LGI2: variants seen among roughly 807,000 people sequenced by gnomAD.
The protein encoded by LGI2 is leucine rich repeat LGI family member 2, also known as leucine-rich repeat LGI family member 2.
In LGI2, 30 loss-of-function variants were observed where a neutral mutation model predicts 52.0. The observed-to-expected ratio is 0.58, with a 90% CI of 0.43 to 0.78. The LOEUF is 0.78. Ranked by LOEUF, LGI2 falls within the 30% of genes least tolerant of loss-of-function variation. LGI2 has a pLI of 0.00. For missense variants in LGI2, 573 were observed against 692.5 expected (o/e 0.83, Z 1.94); for synonymous variants, 270 against 271.8 (o/e 0.99, Z 0.06).
At chr4:25,026,463 T>C (rs551027066) in intron 3 of LGI2, among the ~76,000 whole-genome samples, 1 of 152,020 alleles carries the variant, frequency 6.6e-6, no homozygotes, top group African/African-American at 2.4e-5. Flanking sequence ...CAACATGAAG[T>C]TGTACCCCCC....
At position 25,028,582 on chromosome 4, in the gene LGI2, C is replaced by T. The variant is rs116389282; in HGVS notation, c.198-4G>A. 0.012 allele frequency: 19,394 copies of T among 1,610,884 alleles called. 161 individuals are homozygous for T. Among genetic ancestry groups the T allele is most frequent in the Middle Eastern group, 0.028 (171 of 6,042 alleles). On this transcript the variant is annotated splice_polypyrimidine_tract_variant and splice_region_variant and intron_variant, in intron 1 of 7. Coordinates refer to ENST00000382114, the MANE Select transcript of LGI2 (RefSeq NM_018176.4). ...AAACGTCCCATTTACCAGGCTCCTACGGGCAAAAGATGAACAAAAGTAGGC... is the reference window on the plus strand; with the variant it reads ...AAACGTCCCATTTACCAGGCTCCTATGGGCAAAAGATGAACAAAAGTAGGC...
chr4:24,995,947 A>G (rs1725062982), downstream of LGI2, among the ~76,000 whole-genome samples: 2 of 152,332 alleles, frequency 1.3e-5, no homozygotes, highest in South Asian at 4.1e-4. Flanking sequence ...AGAGCTGGCC[A>G]GTGGATGAAA....
At chr4:25,028,696 C>T in intron 1 of LGI2, 118 bp from the exon 2 acceptor site, 3 of 798,866 alleles carry the variant, frequency 3.8e-6, no homozygotes, top group Non-Finnish European at 4.2e-6. Context: ...AGGAGTGAGG[C>T]ATAGCACAGT....
At chr4:25,013,496 T>C (rs1054523257) in intron 6 of LGI2, among the ~76,000 whole-genome samples, 1 of 152,084 alleles carries the variant, frequency 6.6e-6, no homozygotes, top group Non-Finnish European at 1.5e-5. Context: ...GGCTTCTGAT[T>C]CACGATTATT....
At chr4:25,023,604 G>A (rs1726046573) in intron 4 of LGI2, among the ~76,000 whole-genome samples, 1 of 152,148 alleles carries the variant, frequency 6.6e-6, no homozygotes, top group African/African-American at 2.4e-5. Flanking sequence ...AGATGACTAT[G>A]TCCACACTGT....
intron 7 of LGI2, among the ~76,000 whole-genome samples, chr4:25,007,901 G>A (rs1725445224): frequency 6.6e-6 from 1 of 152,174 alleles, no homozygotes; most frequent in Non-Finnish European, 1.5e-5. Flanking sequence ...ACCACCCCAT[G>A]GCCAAACAAG....
At chr4:24,997,847 G>A (rs560888563), downstream of LGI2, among the ~76,000 whole-genome samples, 1 of 152,202 alleles carries the variant, frequency 6.6e-6, no homozygotes, top group Non-Finnish European at 1.5e-5. Context: ...TTCATTCATT[G>A]CACAATTAGT....
chr4:25,019,095 G>T, intron 5 of LGI2, 72 bp downstream of exon 5: 1 of 925,964 alleles, frequency 1.1e-6, no homozygotes, highest in South Asian at 1.3e-5. Context: ...AAAGAAAGGC[G>T]AGAGGGGATT....
intron 4 of LGI2, among the ~76,000 whole-genome samples, chr4:25,021,806 C>T (rs1725968985): frequency 6.6e-6 from 1 of 151,796 alleles, no homozygotes; most frequent in Non-Finnish European, 1.5e-5. Flanking sequence ...TGGCACACGC[C>T]TGTAGTCCCA....
Position 25,022,384 on chromosome 4 carries a change from C to T in LGI2, c.413+2436G>A, listed in dbSNP as rs78566077. Among the ~76,000 whole-genome samples, 23 of 152,132 alleles carry T rather than the reference C, an allele frequency of 1.5e-4. No homozygotes were observed. In the South Asian group the frequency reaches 2.9e-3, roughly 19 times the overall value. ...GCAGTGGGATGGGGTGGGGGAGCGC[C>T]GAAAGCTTGATGTTCTGAAGACACT... On this transcript the variant is annotated intron_variant, in intron 4 of 7. Transcript: ENST00000382114.
At chr4:25,021,338 T>C (rs935574158) in intron 4 of LGI2, among the ~76,000 whole-genome samples, 10 of 152,356 alleles carry the variant, frequency 6.6e-5, no homozygotes, top group African/African-American at 2.2e-4. Flanking sequence ...TTCTAGATTT[T>C]AGTTACAGAT....
intron 6 of LGI2, among the ~76,000 whole-genome samples, chr4:25,016,935 T>C (rs1014075634): frequency 2.5e-4 from 38 of 152,326 alleles, no homozygotes; most frequent in African/African-American, 8.9e-4. Context: ...CTCCTCTCTC[T>C]GGCTTTAGAA....
In LGI2 at chr4:25,004,323, C is replaced by T. The variant is rs1005372071; in HGVS notation, c.821-55G>A. 1.4e-6 allele frequency: 2 copies of T among 1,474,324 alleles called. No homozygotes were observed. The highest frequency in any genetic ancestry group is 1.8e-6 in the Non-Finnish European group (2 of 1,085,312). 91.3% of individuals were successfully genotyped at this position (1,474,324 alleles called of 1,614,324 possible). A position where few individuals can be genotyped will look rare whatever the true frequency, so the allele number is the denominator to read the frequency against. The stretch of plus-strand genomic sequence containing the variant: ...AGTGCAACTACAGCTAAAAACGCAT[C>T]TCCGCTTGTACTCTTATACACTGCT... On this transcript the variant is annotated intron_variant, in intron 7 of 7. Coordinates refer to ENST00000382114, the MANE Select transcript of LGI2 (RefSeq NM_018176.4). This position sits in a 1 kb window ranked among gnomAD's most constrained non-coding sequence, Gnocchi z 4.6.
chr4:25,028,056 A>G (rs1726204308), intron 2 of LGI2, among the ~76,000 whole-genome samples: 1 of 152,246 alleles, frequency 6.6e-6, no homozygotes, highest in Non-Finnish European at 1.5e-5. Flanking sequence ...CGATGAAGTG[A>G]TGATGAAATA....
At chr4:25,019,667 C>T (rs1006429224) in intron 4 of LGI2, among the ~76,000 whole-genome samples, 2 of 152,170 alleles carry the variant, frequency 1.3e-5, no homozygotes, top group African/African-American at 4.8e-5. Flanking sequence ...GAGGCATGCT[C>T]CTACCCTCCA....
chr4:25,008,104 C>A (rs1475416420), intron 7 of LGI2, among the ~76,000 whole-genome samples: 1 of 152,182 alleles, frequency 6.6e-6, no homozygotes, highest in Non-Finnish European at 1.5e-5. Context: ...ATCCCCCTTC[C>A]TTCTGTAGCA....
In LGI2 at chr4:25,001,182, C is replaced by A. The variant is rs1020886969; in HGVS notation, c.*2269G>T. 3 of 152,240 alleles carry A rather than the reference C, an allele frequency of 2.0e-5. No homozygotes were observed. The highest frequency in any genetic ancestry group is 7.2e-5 in the African/African-American group (3 of 41,438). The allele number at this position is 152,240 out of a possible 1,614,324, so 9.4% of individuals were successfully genotyped here. ...ATCCTAAGCCCAGCATCCTGTGTTT[C>A]CTGGTTTCCCAGAATCTGGCAATGT... On this transcript the variant is annotated 3_prime_UTR_variant, in exon 8 of 8. Coordinates refer to ENST00000382114, the MANE Select transcript of LGI2 (RefSeq NM_018176.4).
In LGI2 at chr4:25,030,485, G is replaced by C. The variant is rs760637657; in HGVS notation, c.197+12C>G. On this transcript the variant is annotated intron_variant, in intron 1 of 7. Coordinates refer to ENST00000382114, the MANE Select transcript of LGI2 (RefSeq NM_018176.4). ...GGCGGGACGGGATGGGGGCTGGAGG[G>C]GTCCCACTCACAGGGAGCTGATGTC... 1.3e-6 allele frequency: 2 copies of C among 1,576,228 alleles called. No homozygotes were observed. Among genetic ancestry groups the C allele is most frequent in the Non-Finnish European group, 1.7e-6 (2 of 1,162,556 alleles).
intron 7 of LGI2, among the ~76,000 whole-genome samples, chr4:25,005,868 G>C (rs1019431241): frequency 1.3e-5 from 2 of 152,200 alleles, no homozygotes; most frequent in East Asian, 3.8e-4. Context: ...TTCTGACCCT[G>C]TGCTGGTTAA....
Sources: allele counts gnomAD v4.1 joint callset (sites outside exome capture counted in the v4.1 genomes callset), GRCh38; gene constraint gnomAD v4.1.1; non-coding constraint Gnocchi (gnomAD v3.1); transcripts MANE v1.5; gene names NCBI Gene and HGNC (gene_info 2026-07-23, HGNC 2026-07-21).